The following CEP192 variants were observed in gnomAD, a reference collection of about 807,000 sequenced individuals.
The protein encoded by CEP192 is centrosomal protein of 192 kDa.
CEP192 carries 151 observed loss-of-function variants against 271.8 expected under a neutral mutation model. The observed-to-expected ratio is 0.56, with a 90% CI of 0.49 to 0.64. CEP192 has a LOEUF of 0.64. CEP192 is among the 30% of genes least tolerant of loss of function. The pLI, the probability that CEP192 is intolerant of heterozygous loss-of-function variation, is 0.00. For synonymous variants in CEP192, 995 were observed against 1,076.5 expected (o/e 0.92, Z 1.48); for missense variants, 2,910 against 3,020.5 (o/e 0.96, Z 0.86).
At chr18:13,020,858 T>G (rs2143240751) in intron 9 of CEP192, among the ~76,000 whole-genome samples, 1 of 152,350 alleles carries the variant, frequency 6.6e-6, no homozygotes, top group Middle Eastern at 3.4e-3. Flanking sequence ...TGTGCTTCTT[T>G]TCATGTATGT....
chr18:13,117,218 C>T (rs1477376061), intron 43 of CEP192, among the ~76,000 whole-genome samples: 1 of 152,184 alleles, frequency 6.6e-6, no homozygotes, highest in Non-Finnish European at 1.5e-5. Flanking sequence ...GAGCAAGACC[C>T]TGCCCCCATC....
chr18:13,011,639 C>T (rs1851569), intron 4 of CEP192, among the ~76,000 whole-genome samples: 6,635 of 152,168 alleles, frequency 0.044, 217 homozygotes, highest in East Asian at 0.14. Flanking sequence ...GCCTCAGCCT[C>T]GCAAGTAGCT....
In CEP192 at chr18:13,056,527, T is replaced by G. The variant is rs369696316; in HGVS notation, c.3937T>G (p.Cys1313Gly). The change falls in exon 19 of 45, where the codon TGT becomes GGT. Residue 1313 changes from cysteine (C) to glycine (G), a missense_variant. By Grantham distance (159) the Cys-to-Gly change is radical. Transcript: ENST00000506447. Reference protein sequence around the residue: ...PVQNSVAVGICLGSNIGSGWM... With the variant: ...PVQNSVAVGIGLGSNIGSGWM... ...GCAGAACTCTGTGGCTGTGGGAATT[T>G]GTCTAGGATCAAATATCGGCTCTGG... is the stretch of plus-strand genomic sequence containing the variant. 7.3e-5 allele frequency: 118 copies of G among 1,614,102 alleles called. No homozygotes were observed. Among genetic ancestry groups the G allele is most frequent in the Non-Finnish European group, 9.7e-5 (115 of 1,180,050 alleles).
At chr18:13,075,760 A>G (rs950938959) in intron 30 of CEP192, among the ~76,000 whole-genome samples, 2 of 152,206 alleles carry the variant, frequency 1.3e-5, no homozygotes, top group African/African-American at 2.4e-5. Context: ...TCGAGATACT[A>G]CTACTCTTGC....
intron 4 of CEP192, among the ~76,000 whole-genome samples, chr18:13,010,396 A>G (rs1361801476): frequency 6.6e-6 from 1 of 152,126 alleles, no homozygotes; most frequent in East Asian, 1.9e-4. Context: ...ATGTTAGAAA[A>G]ATTTTAAGGG....
chr18:13,104,251 C>CGT (rs1212185691), intron 39 of CEP192, among the ~76,000 whole-genome samples: 1 of 152,148 alleles, frequency 6.6e-6, no homozygotes, highest in Non-Finnish European at 1.5e-5. Flanking sequence ...TGAGTGCTGT[C>CGT]ATATGTTCCC....
At chr18:13,048,574 A>G (rs2036602958) in intron 15 of CEP192, among the ~76,000 whole-genome samples, 1 of 152,220 alleles carries the variant, frequency 6.6e-6, no homozygotes, top group Non-Finnish European at 1.5e-5. Flanking sequence ...ATGTGTAATT[A>G]CAAAGAAGGA....
chr18:13,000,439 A>G (rs2033569203), intron 2 of CEP192: 1 of 152,172 alleles, frequency 6.6e-6, no homozygotes, highest in South Asian at 2.1e-4. Context: ...TCTGTTCCAA[A>G]TACAGTCACC....
At chr18:13,058,775 CA>C in intron 20 of CEP192, 2 of 357,908 alleles carry the variant, frequency 5.6e-6, no homozygotes, top group Non-Finnish European at 1.1e-5. Flanking sequence ...GAGAGACTTA[CA>C]GGGCTGTGAA....
intron 2 of CEP192, among the ~76,000 whole-genome samples, chr18:13,000,858 C>G (rs888773828): frequency 2.2e-4 from 34 of 152,182 alleles, no homozygotes; most frequent in Admixed American, 1.7e-3. Context: ...GAGGCTGAGA[C>G]AGGAGAATCG....
intron 17 of CEP192, among the ~76,000 whole-genome samples, chr18:13,051,582 C>T (rs57104210): frequency 3.3e-5 from 5 of 152,092 alleles, no homozygotes; most frequent in African/African-American, 7.2e-5. Flanking sequence ...GTCTCTCTCT[C>T]GCCCAGGCTG....
intron 3 of CEP192, among the ~76,000 whole-genome samples, chr18:13,005,886 A>G (rs1049769674): frequency 1.3e-5 from 2 of 152,260 alleles, no homozygotes; most frequent in Admixed American, 1.3e-4. Context: ...AAATTTTCAC[A>G]CAATTTTGAA....
chr18:13,029,325 C>T (rs2035482470), intron 9 of CEP192, among the ~76,000 whole-genome samples: 1 of 152,144 alleles, frequency 6.6e-6, no homozygotes, highest in South Asian at 2.1e-4. Context: ...ATAGGCTTAC[C>T]ATGTTTGTGG....
intron 26 of CEP192, among the ~76,000 whole-genome samples, chr18:13,069,419 C>T (rs1472300759): frequency 6.6e-6 from 1 of 152,144 alleles, no homozygotes; most frequent in Non-Finnish European, 1.5e-5. Flanking sequence ...AGATTAGTTC[C>T]TGAAAAACAT....
At chr18:13,070,917 G>C (rs920420950) in intron 27 of CEP192, 122 bp from the exon 28 acceptor site, 2 of 715,740 alleles carry the variant, frequency 2.8e-6, no homozygotes, top group Non-Finnish European at 4.7e-6. Context: ...AAGCTCTAAG[G>C]GTGGGAATAT....
intron 30 of CEP192, among the ~76,000 whole-genome samples, chr18:13,074,201 G>A (rs2038156956): frequency 6.6e-6 from 1 of 152,170 alleles, no homozygotes; most frequent in African/African-American, 2.4e-5. Context: ...ATATCTAAAA[G>A]TTTTTAGAAT....
chr18:13,041,711 C>T (rs971810699), intron 14 of CEP192, among the ~76,000 whole-genome samples: 1 of 151,792 alleles, frequency 6.6e-6, no homozygotes, highest in Non-Finnish European at 1.5e-5. Flanking sequence ...ATCACGGGCT[C>T]ACGCCACCAT....
chr18:13,072,663 G>A (rs2038071831), intron 28 of CEP192, 92 bp from the exon 29 acceptor site: 2 of 822,934 alleles, frequency 2.4e-6, no homozygotes, highest in Admixed American at 3.8e-5. Flanking sequence ...TCCATCTCTA[G>A]ACATTGTGGT....
rs1340204493 is a variant in CEP192 at position 13,056,578 on chromosome 18, A to G, written c.3988A>G (p.Asn1330Asp). 1.2e-6 allele frequency: 2 copies of G among 1,614,162 alleles called. No individual in the cohort carries two copies. Among genetic ancestry groups the G allele is most frequent in the South Asian group, 1.1e-5 (1 of 91,078 alleles). Reference sequence around the variant, plus strand: ...ATGGATGGGTACCTCTTCCCTCTGTAACCCATATTCTAATACCTTAAATCA... The same window carrying G: ...ATGGATGGGTACCTCTTCCCTCTGTGACCCATATTCTAATACCTTAAATCA... ...SGWMGTSSLCNPYSNTLNQNL... is the reference protein window; with the variant it reads ...SGWMGTSSLCDPYSNTLNQNL... The change falls in exon 19 of 45, where the codon AAC becomes GAC. Residue 1330 changes from asparagine to aspartate, a missense_variant. By Grantham distance (23) the Asn-to-Asp change is conservative (BLOSUM62 1). Transcript: ENST00000506447.
Sources: allele counts gnomAD v4.1 joint callset (sites outside exome capture counted in the v4.1 genomes callset), GRCh38; gene constraint gnomAD v4.1.1; transcripts MANE v1.5; gene names NCBI Gene and HGNC (gene_info 2026-07-23, HGNC 2026-07-21).